Variants in ANKRD44 observed in about 807,000 individuals in gnomAD.
The protein encoded by ANKRD44 is ankyrin repeat domain 44, also known as serine/threonine-protein phosphatase 6 regulatory ankyrin repeat subunit B.
ANKRD44 carries 35 observed loss-of-function variants against 116.0 expected under a neutral mutation model. The observed-to-expected ratio is 0.30, with a 90% CI of 0.23 to 0.40. The LOEUF (loss-of-function observed/expected upper bound fraction) is 0.40, where lower values mean the gene tolerates loss of function less well. Among genes scored for constraint, ANKRD44 ranks in the 10% least tolerant of loss-of-function variants. The pLI, the probability that ANKRD44 is intolerant of heterozygous loss-of-function variation, is 1.00. For synonymous variants in ANKRD44, 435 were observed against 461.8 expected (o/e 0.94, Z 0.74); for missense variants, 1,014 against 1,242.6 (o/e 0.82, Z 2.77).
At chr2:197,047,047 T>C (rs1047777124) in intron 16 of ANKRD44, among the ~76,000 whole-genome samples, 2 of 152,082 alleles carry the variant, frequency 1.3e-5, no homozygotes, top group Admixed American at 1.3e-4. Context: ...AGATGGAGTT[T>C]TGCTCTTGTC....
At chr2:197,076,623 A>G (rs143396625) in intron 16 of ANKRD44, among the ~76,000 whole-genome samples, 10 of 152,164 alleles carry the variant, frequency 6.6e-5, no homozygotes, top group Non-Finnish European at 1.2e-4. Context: ...CTTTTACCAA[A>G]TAGTTATTTT....
At chr2:197,250,414 T>G (rs574660175) in intron 1 of ANKRD44, among the ~76,000 whole-genome samples, 9 of 152,318 alleles carry the variant, frequency 5.9e-5, no homozygotes, top group Non-Finnish European at 1.3e-4. Flanking sequence ...ACACGCTCAC[T>G]TCCAACCAAC....
intron 4 of ANKRD44, chr2:197,134,125 G>A (rs1450781245): frequency 1.3e-5 from 2 of 151,680 alleles, no homozygotes; most frequent in African/African-American, 4.8e-5. Context: ...AGCTAATTTT[G>A]TATTTTTAGC....
chr2:197,200,246 G>A lies in ANKRD44; in HGVS notation c.28-13140C>T, dbSNP rs140817100. 2.0e-4 allele frequency among the ~76,000 whole-genome samples: 30 copies of A among 152,256 alleles called. No individual in the cohort carries two copies. In the East Asian group the frequency reaches 5.8e-3, roughly 29 times the overall value. ...GGTGCCTTTAGCCATAATATTCTAG[G>A]AGCCTTCTTGATTCAGAAAAGGGGA... On this transcript the variant is annotated intron_variant, in intron 1 of 27. Coordinates refer to ENST00000282272, the MANE Select transcript of ANKRD44 (RefSeq NM_001195144.2).
chr2:197,099,218 A>T (rs1433025639), intron 10 of ANKRD44, among the ~76,000 whole-genome samples: 3 of 152,182 alleles, frequency 2.0e-5, no homozygotes, highest in Non-Finnish European at 1.5e-5. Context: ...TGTTTCATTT[A>T]GAACTTTATG....
intron 20 of ANKRD44, among the ~76,000 whole-genome samples, chr2:197,006,778 G>A (rs756539589): frequency 3.3e-5 from 5 of 152,054 alleles, no homozygotes; most frequent in East Asian, 1.9e-4. Flanking sequence ...TATGATTTCT[G>A]CTTGTGTTTA....
In ANKRD44 at chr2:197,262,534, T is replaced by C. The variant is rs190715378; in HGVS notation, c.27+48044A>G. Among the ~76,000 whole-genome samples, 330 of 152,348 alleles carry C rather than the reference T, an allele frequency of 2.2e-3. 2 individuals are homozygous for C. The highest frequency in any genetic ancestry group is 7.5e-3 in the African/African-American group (310 of 41,584). Reference sequence around the variant, plus strand: ...GATTTGTGCTAACGGAAATTCCACGTAAAAATTTCAACCTACCAAAATGAG... The same window carrying C: ...GATTTGTGCTAACGGAAATTCCACGCAAAAATTTCAACCTACCAAAATGAG... On this transcript the variant is annotated intron_variant, in intron 1 of 27. Transcript: ENST00000282272.
chr2:196,994,490 GTCTTCTTCT>G (rs1035071885), intron 26 of ANKRD44: 1 of 147,970 alleles, frequency 6.8e-6, no homozygotes, highest in African/African-American at 2.5e-5. Context: ...CCAGCCAACA[GTCTTCTTCT>G]TCTTCTTCTT....
At chr2:197,219,922 T>C (rs1027800583) in intron 1 of ANKRD44, among the ~76,000 whole-genome samples, 2 of 152,200 alleles carry the variant, frequency 1.3e-5, no homozygotes, top group Non-Finnish European at 2.9e-5. Context: ...AGTGAGTGAA[T>C]GCCTTCTAAC....
chr2:197,025,512 G>A (rs940699415), intron 16 of ANKRD44, among the ~76,000 whole-genome samples: 18 of 151,778 alleles, frequency 1.2e-4, no homozygotes, highest in African/African-American at 4.1e-4. Context: ...AGATAATAAC[G>A]AAAAAAATAA....
intron 1 of ANKRD44, among the ~76,000 whole-genome samples, chr2:197,289,171 T>C (rs758595575): frequency 3.9e-5 from 6 of 152,174 alleles, no homozygotes; most frequent in Non-Finnish European, 7.3e-5. Context: ...ACTCCATAAA[T>C]ATGTAAAATA....
intron 1 of ANKRD44, among the ~76,000 whole-genome samples, chr2:197,257,430 G>A (rs766696961): frequency 1.3e-5 from 2 of 149,944 alleles, no homozygotes; most frequent in Non-Finnish European, 3.0e-5. Flanking sequence ...CAGCTTTTTA[G>A]TGATTATTAT....
At chr2:197,060,221 T>C (rs2077281642) in intron 16 of ANKRD44, among the ~76,000 whole-genome samples, 1 of 152,190 alleles carries the variant, frequency 6.6e-6, no homozygotes, top group Non-Finnish European at 1.5e-5. Context: ...AGCTCCCAGA[T>C]ATAGCAGCTT....
intron 2 of ANKRD44, among the ~76,000 whole-genome samples, chr2:197,182,280 A>G (rs1413137266): frequency 8.5e-5 from 13 of 152,164 alleles, no homozygotes; most frequent in African/African-American, 3.1e-4. Context: ...AGGCCCTGGT[A>G]TGCCATTAAC....
chr2:197,175,196 C>T (rs2080336299), intron 2 of ANKRD44, among the ~76,000 whole-genome samples: 1 of 152,126 alleles, frequency 6.6e-6, no homozygotes, highest in South Asian at 2.1e-4. Flanking sequence ...ACTGGAGGTC[C>T]TATTTCTTTA....
chr2:196,988,203 C>T lies in ANKRD44; in HGVS notation c.*1388G>A, dbSNP rs2125871050. On this transcript the variant is annotated 3_prime_UTR_variant, in exon 28 of 28. Coordinates refer to ENST00000282272, the MANE Select transcript of ANKRD44 (RefSeq NM_001195144.2). ...AACGCTGCTTTGCCATTAAAGCAAG[C>T]ATTTCATTTCCTGCTTGAAATGCCA... is the stretch of plus-strand genomic sequence containing the variant. The T allele has an allele frequency of 1.0e-6, 1 of 985,348 alleles. No homozygotes were observed. The highest frequency in any genetic ancestry group is 1.2e-6 in the Non-Finnish European group (1 of 829,884). 61.0% of individuals were successfully genotyped at this position (985,348 alleles called of 1,614,324 possible). A position where few individuals can be genotyped will look rare whatever the true frequency, so the allele number is the denominator to read the frequency against.
intron 1 of ANKRD44, among the ~76,000 whole-genome samples, chr2:197,224,260 T>C (rs2081649921): frequency 6.6e-6 from 1 of 152,170 alleles, no homozygotes; most frequent in African/African-American, 2.4e-5. Flanking sequence ...AAAAGTTAAA[T>C]GGAAGAAAGA....
intron 3 of ANKRD44, among the ~76,000 whole-genome samples, chr2:197,139,764 A>G (rs2079311562): frequency 6.6e-6 from 1 of 152,044 alleles, no homozygotes; most frequent in Non-Finnish European, 1.5e-5. Context: ...ATATTTTCTA[A>G]CAAAATATTT....
chr2:197,110,826 G>A lies in ANKRD44; in HGVS notation c.925C>T (p.Pro309Ser), dbSNP rs746423274. The change falls in exon 9 of 28, where the codon CCA (proline) becomes TCA (serine). Residue 309 changes from proline (P) to serine (S), a missense_variant. Coordinates refer to ENST00000282272, the MANE Select transcript of ANKRD44 (RefSeq NM_001195144.2). ...CCATGGACAGCTGTCATGTGCAGTG[G>A]ACTTTTGCCATCTTTACTCTAAAAA... ...VNIQSKDGKS[P>S]LHMTAVHGRF... 1.9e-6 allele frequency: 3 copies of A among 1,613,756 alleles called. No individual in the cohort carries two copies. The highest frequency in any genetic ancestry group is 2.2e-5 in the East Asian group (1 of 44,882).
Sources: gnomAD v4.1 joint callset for allele counts (sites outside exome capture counted in the v4.1 genomes callset) on GRCh38, gnomAD v4.1.1 for gene constraint, MANE v1.5 for transcripts, NCBI Gene and HGNC (gene_info 2026-07-23, HGNC 2026-07-21) for gene names.